The following DCHS2 variants were observed in gnomAD, a reference collection of about 807,000 sequenced individuals.
The protein encoded by DCHS2 is dachsous cadherin-related 2, also known as protocadherin-23.
Under a neutral mutation model 182.4 loss-of-function variants are expected in DCHS2, and 142 were observed. The ratio of observed to expected loss-of-function variants is 0.78; its 90% CI spans 0.68 to 0.89. The LOEUF is 0.89. DCHS2 is among the 40% of genes least tolerant of loss of function. The probability of loss-of-function intolerance (pLI) is 0.00; values close to 1 mark genes in which losing one functional copy is unlikely to be tolerated. For missense variants in DCHS2, 4,319 were observed against 4,198.6 expected (o/e 1.03, Z -0.79); for synonymous variants, 1,740 against 1,663.3 (o/e 1.05, Z -1.12).
At chr4:154,367,431 T>G (rs367897266) in intron 2 of DCHS2, among the ~76,000 whole-genome samples, 1 of 152,256 alleles carries the variant, frequency 6.6e-6, no homozygotes, top group East Asian at 1.9e-4. Flanking sequence ...GAATTCTGAA[T>G]TTTTCAAGTT....
intron 1 of DCHS2, among the ~76,000 whole-genome samples, chr4:154,411,082 C>T (rs1024524170): frequency 2.0e-5 from 3 of 152,124 alleles, no homozygotes; most frequent in Admixed American, 1.3e-4. Context: ...GCTATAAATG[C>T]CATTTGCTAT....
intron 1 of DCHS2, among the ~76,000 whole-genome samples, chr4:154,395,695 C>A (rs1339619155): frequency 6.6e-6 from 1 of 152,294 alleles, no homozygotes; most frequent in South Asian, 2.1e-4. Flanking sequence ...AGCAAATTTT[C>A]TTTCCAATGC....
chr4:154,458,597 C>T (rs1020828977), intron 1 of DCHS2, among the ~76,000 whole-genome samples: 9 of 152,112 alleles, frequency 5.9e-5, no homozygotes, highest in African/African-American at 1.4e-4. Context: ...AATAAAATGC[C>T]GTCTCTTGCA....
At chr4:154,427,696 G>T (rs2110927613) in intron 1 of DCHS2, among the ~76,000 whole-genome samples, 1 of 152,318 alleles carries the variant, frequency 6.6e-6, no homozygotes, top group East Asian at 1.9e-4. Flanking sequence ...AAATGAAAAT[G>T]CCAACAGACA....
chr4:154,343,684 G>T, intron 3 of DCHS2: 1 of 1,369,346 alleles, frequency 7.3e-7, no homozygotes, highest in South Asian at 2.3e-5. Flanking sequence ...CTCTGGATTA[G>T]GCTTTGGCTT....
intron 13 of DCHS2, among the ~76,000 whole-genome samples, chr4:154,291,829 GT>G (rs960578519): frequency 3.3e-5 from 5 of 151,970 alleles, no homozygotes; most frequent in African/African-American, 1.2e-4. Flanking sequence ...AGGGGAAGTG[GT>G]AATGGTGAAT....
chr4:154,341,368 CAAAA>C (rs369958308), intron 3 of DCHS2, among the ~76,000 whole-genome samples: 1 of 58,570 alleles, frequency 1.7e-5, no homozygotes. Flanking sequence ...GACTCTGTCT[CAAAA>C]AAAAAAAAAA....
intron 1 of DCHS2, among the ~76,000 whole-genome samples, chr4:154,440,764 G>T (rs1733975863): frequency 6.6e-6 from 1 of 152,106 alleles, no homozygotes; most frequent in Non-Finnish European, 1.5e-5. Flanking sequence ...TACAGGCTAA[G>T]AAGTTGTAAG....
intron 1 of DCHS2, among the ~76,000 whole-genome samples, chr4:154,415,838 T>C (rs1408039787): frequency 6.6e-6 from 1 of 152,240 alleles, no homozygotes; most frequent in Non-Finnish European, 1.5e-5. Context: ...AGGGAATTGA[T>C]GGACAGACTT....
intron 17 of DCHS2, 97 bp downstream of exon 17, chr4:154,242,545 G>T: frequency 6.9e-7 from 1 of 1,452,178 alleles, no homozygotes; most frequent in Non-Finnish European, 9.1e-7. Context: ...GGTTGTTGAG[G>T]ATTAGCACTC....
rs779296768 is a variant in DCHS2, at chr4:154,234,856, C to T, written c.9796G>A (p.Gly3266Ser). Residue 3266 changes from glycine to serine, a missense_variant, in exon 20 of 20, where the codon GGC becomes AGC. By Grantham distance (56) the Gly-to-Ser change is moderately conservative (BLOSUM62 0). Coordinates refer to ENST00000357232, the MANE Select transcript of DCHS2 (RefSeq NM_001358235.2). The part of the protein sequence containing the change: ...KLKDEHLHMP[G>S]IPKEKKSFVF... The stretch of plus-strand genomic sequence containing the variant: ...AAAGATTTCTTCTCTTTTGGAATGC[C>T]AGGCATATGCAAATGTTCATCCTTT... The T allele has an allele frequency of 6.2e-7, 1 of 1,613,900 alleles. No homozygotes were observed. Among genetic ancestry groups the T allele is most frequent in the Admixed American group, 1.7e-5 (1 of 59,980 alleles).
chr4:154,353,091 A>G (rs2110732246), intron 3 of DCHS2, among the ~76,000 whole-genome samples: 1 of 152,360 alleles, frequency 6.6e-6, no homozygotes, highest in East Asian at 1.9e-4. Context: ...TATAAACCAG[A>G]TTCACACCAG....
Position 154,352,655 on chromosome 4 carries a change from C to T in DCHS2, c.2476+13555G>A, listed in dbSNP as rs1371599165. The stretch of plus-strand genomic sequence containing the variant: ...GCACTAGGGACTCTGACTAACCTTC[C>T]TCCTGAAAGCAAGTGCTCCATAAAA... On this transcript the variant is annotated intron_variant, in intron 3 of 19. Coordinates refer to ENST00000357232, the MANE Select transcript of DCHS2 (RefSeq NM_001358235.2). 3 of 152,170 alleles carry T rather than the reference C, an allele frequency of 2.0e-5. No individual in the cohort carries two copies. The East Asian group carries it at 5.8e-4, about 29-fold the overall frequency. 9.4% of individuals were successfully genotyped at this position (152,170 alleles called of 1,614,324 possible). A position where few individuals can be genotyped will look rare whatever the true frequency, so the allele number is the denominator to read the frequency against.
At chr4:154,460,712 G>A (rs1333497196) in intron 1 of DCHS2, among the ~76,000 whole-genome samples, 2 of 152,058 alleles carry the variant, frequency 1.3e-5, no homozygotes, top group East Asian at 3.9e-4. Context: ...TCCATATAAA[G>A]TTAAATGGTA....
chr4:154,431,163 G>A (rs1466753458), intron 1 of DCHS2, among the ~76,000 whole-genome samples: 1 of 152,222 alleles, frequency 6.6e-6, no homozygotes, highest in Non-Finnish European at 1.5e-5. Context: ...GGCAGCATTA[G>A]CATCTTTACA....
chr4:154,358,425 T>C (rs1729970902), intron 3 of DCHS2, among the ~76,000 whole-genome samples: 1 of 152,180 alleles, frequency 6.6e-6, no homozygotes, highest in Non-Finnish European at 1.5e-5. Flanking sequence ...CATTTCTTTT[T>C]CATGAAAGAA....
chr4:154,478,139 C>G (rs147789838), intron 1 of DCHS2, among the ~76,000 whole-genome samples: 2 of 152,302 alleles, frequency 1.3e-5, no homozygotes, highest in African/African-American at 4.8e-5. Context: ...ACCTTTGCAG[C>G]TGTGCACAAT....
intron 10 of DCHS2, among the ~76,000 whole-genome samples, chr4:154,313,857 G>T (rs927571885): frequency 6.6e-6 from 1 of 152,068 alleles, no homozygotes; most frequent in East Asian, 1.9e-4. Flanking sequence ...CAATAATTTT[G>T]TACCTAAATT....
intron 1 of DCHS2, among the ~76,000 whole-genome samples, chr4:154,400,127 C>G (rs1033450960): frequency 1.3e-5 from 2 of 151,946 alleles, no homozygotes; most frequent in Admixed American, 6.6e-5. Flanking sequence ...CACGGTAAAA[C>G]CCCGTCTCTA....
Sources: gnomAD v4.1 joint callset for allele counts (sites outside exome capture counted in the v4.1 genomes callset) on GRCh38, gnomAD v4.1.1 for gene constraint, MANE v1.5 for transcripts, NCBI Gene and HGNC (gene_info 2026-07-23, HGNC 2026-07-21) for gene names.